The following UBXN4 variants were observed in gnomAD, a reference collection of about 807,000 sequenced individuals.
The protein encoded by UBXN4 is UBX domain protein 4, also known as UBX domain-containing protein 4.
In UBXN4, 35 loss-of-function variants were observed where a neutral mutation model predicts 66.2. That is an observed-to-expected ratio of 0.53 (90% CI 0.40 to 0.70). The LOEUF (loss-of-function observed/expected upper bound fraction) is 0.70. UBXN4 is among the 30% of genes least tolerant of loss of function. UBXN4 has a pLI of 0.00. For missense variants in UBXN4, 533 were observed against 599.8 expected, an observed-to-expected ratio of 0.89 and a Z score of 1.16; for synonymous variants, 203 against 204.5, an observed-to-expected ratio of 0.99 and a Z score of 0.06.
At chr2:135,753,268 C>T (rs1340295674) in intron 2 of UBXN4, among the ~76,000 whole-genome samples, 6 of 152,196 alleles carry the variant, frequency 3.9e-5, no homozygotes, top group Admixed American at 3.9e-4. Flanking sequence ...AAGTGATCTG[C>T]CTGCCTCGGC....
In UBXN4 at chr2:135,779,028, G is replaced by A. The variant is rs764534965; in HGVS notation, c.1134G>A (p.Lys378=). 84 of 1,613,630 alleles carry A rather than the reference G, an allele frequency of 5.2e-5. No individual in the cohort carries two copies. Among genetic ancestry groups the A allele is most frequent in the Non-Finnish European group, 6.9e-5 (82 of 1,179,888 alleles). ...RREFTKEDYK[K]KLLDLELAPS... is the part of the protein sequence containing the mutation. ...AATTTACCAAAGAAGATTATAAAAAGAAGTTACTGGATTTGGAACTTGCCC... is the reference window on the plus strand; with the variant it reads ...AATTTACCAAAGAAGATTATAAAAAAAAGTTACTGGATTTGGAACTTGCCC... The change falls in exon 11 of 13, where the codon AAG becomes AAA. Residue 378 remains lysine, a synonymous_variant. Coordinates refer to ENST00000272638, the MANE Select transcript of UBXN4 (RefSeq NM_014607.4).
intron 10 of UBXN4, among the ~76,000 whole-genome samples, chr2:135,777,237 C>T (rs1192581539): frequency 3.9e-5 from 6 of 152,068 alleles, no homozygotes; most frequent in East Asian, 1.9e-4. Flanking sequence ...TTATTCAAAA[C>T]GGATTCTGAG....
chr2:135,774,947 G>C (rs573891971), intron 9 of UBXN4, among the ~76,000 whole-genome samples: 43 of 152,170 alleles, frequency 2.8e-4, no homozygotes, highest in Non-Finnish European at 4.9e-4. Flanking sequence ...AAAAGAACCT[G>C]TGACTCAATT....
chr2:135,757,577 G>T (rs1299145879), intron 5 of UBXN4, among the ~76,000 whole-genome samples: 1 of 152,018 alleles, frequency 6.6e-6, no homozygotes, highest in Non-Finnish European at 1.5e-5. Context: ...TTTAGAATGG[G>T]TCACATTTTC....
At chr2:135,776,459 C>T in intron 10 of UBXN4, 108 bp downstream of exon 10, 1 of 906,278 alleles carries the variant, frequency 1.1e-6, no homozygotes, top group African/African-American at 1.7e-5. Flanking sequence ...GTGACCTCTC[C>T]AGGAGGGAGG....
intron 8 of UBXN4, among the ~76,000 whole-genome samples, chr2:135,770,968 T>C (rs146150080): frequency 6.6e-6 from 1 of 150,864 alleles, no homozygotes. Flanking sequence ...TTTATCAGCA[T>C]TCAAAAAGCA....
intron 1 of UBXN4, among the ~76,000 whole-genome samples, chr2:135,743,511 G>C (rs1382274657): frequency 6.6e-6 from 1 of 152,120 alleles, no homozygotes; most frequent in African/African-American, 2.4e-5. Context: ...AGGCACTTAG[G>C]TCAGCAGTCA....
chr2:135,782,996 AATG>A lies in UBXN4; in HGVS notation c.*110_*112del. The stretch of plus-strand genomic sequence containing the variant: ...TTTATATTTTCCAACTGGTCTATAA[AATG>A]TCTCTTTATTCCTGCTTAGTGGGTG... On this transcript the variant is annotated 3_prime_UTR_variant, in exon 13 of 13. Transcript: ENST00000272638. 6.5e-6 allele frequency: 8 copies of A among 1,236,936 alleles called. No individual in the cohort carries two copies. Among genetic ancestry groups the A allele is most frequent in the Non-Finnish European group, 9.0e-6 (8 of 891,772 alleles). 76.6% of individuals were successfully genotyped at this position (1,236,936 alleles called of 1,614,324 possible). A position where few individuals can be genotyped will look rare whatever the true frequency, so the allele number is the denominator to read the frequency against.
chr2:135,773,343 A>C (rs1250200734), intron 9 of UBXN4, among the ~76,000 whole-genome samples: 1 of 152,166 alleles, frequency 6.6e-6, no homozygotes. Flanking sequence ...AAACTCTCCA[A>C]ATGGTGTCAG....
At chr2:135,760,292 A>G (rs2077307075) in intron 5 of UBXN4, among the ~76,000 whole-genome samples, 2 of 152,038 alleles carry the variant, frequency 1.3e-5, no homozygotes, top group Admixed American at 6.6e-5. Context: ...TTAGCCAGGC[A>G]TGGTAGCGTG....
rs2077473036 is a variant in UBXN4 at position 135,784,836 on chromosome 2, C to A, written c.*1949C>A. 8.2e-6 allele frequency: 1 copy of A among 122,142 alleles called. No homozygotes were observed. The highest frequency in any genetic ancestry group is 3.2e-5 in the African/African-American group (1 of 31,680). 7.6% of individuals were successfully genotyped at this position (122,142 alleles called of 1,614,324 possible). On this transcript the variant is annotated 3_prime_UTR_variant, in exon 13 of 13. Transcript: ENST00000272638. ...CTTCGTAATTTTGGAGTAGGAGGTT[C>A]CCTCCTCAATTTTGTATTTTTAAAA...
intron 3 of UBXN4, 66 bp from the exon 4 acceptor site, chr2:135,754,093 C>A: frequency 9.2e-7 from 1 of 1,091,182 alleles, no homozygotes; most frequent in South Asian, 1.4e-5. Context: ...CCTTTGTTAC[C>A]AATAGTGTTT....
intron 5 of UBXN4, among the ~76,000 whole-genome samples, chr2:135,756,803 C>T (rs1348282818): frequency 6.6e-6 from 1 of 151,896 alleles, no homozygotes; most frequent in African/African-American, 2.4e-5. Flanking sequence ...TGTGAAATGA[C>T]TTTGTTTTAT....
In UBXN4 at chr2:135,770,725, A is replaced by T; in HGVS notation, c.812A>T (p.Gln271Leu). The T allele has an allele frequency of 6.6e-7, 1 of 1,522,542 alleles. No homozygotes were observed. Among genetic ancestry groups the T allele is most frequent in the Admixed American group, 2.5e-5 (1 of 40,088 alleles). The allele number at this position is 1,522,542 out of a possible 1,614,324, so 94.3% of individuals were successfully genotyped here. The change falls in exon 8 of 13, where the codon CAG becomes CTG. Residue 271 changes from glutamine (Q) to leucine (L), a missense_variant. This residue lies in a region of UBXN4 where 529 missense variants were observed against 580.1 expected (regional missense o/e 0.91). Coordinates refer to ENST00000272638, the MANE Select transcript of UBXN4 (RefSeq NM_014607.4). ...DRAARERIKQ[Q>L]IALDRAERAA... ...GCAGCTCGAGAACGTATAAAACAGCAGATTGCATTGGTAAGTCTTAAGTTT... is the reference window on the plus strand; with the variant it reads ...GCAGCTCGAGAACGTATAAAACAGCTGATTGCATTGGTAAGTCTTAAGTTT...
At chr2:135,750,221 A>G (rs575014527) in intron 2 of UBXN4, among the ~76,000 whole-genome samples, 1 of 152,272 alleles carries the variant, frequency 6.6e-6, no homozygotes, top group Non-Finnish European at 1.5e-5. Context: ...AGATCCTCCC[A>G]TGTCAGCCTC....
chr2:135,744,251 A>G (rs1371473255), intron 1 of UBXN4, among the ~76,000 whole-genome samples: 2 of 152,254 alleles, frequency 1.3e-5, no homozygotes, highest in African/African-American at 4.8e-5. Flanking sequence ...CGTGATCTCA[A>G]GAGTACACTT....
rs144915789 is a variant in UBXN4, at chr2:135,753,930, T to C, written c.215-229T>C. 5.7e-4 allele frequency: 269 copies of C among 472,838 alleles called. 3 individuals carry two copies. The highest frequency in any genetic ancestry group is 5.0e-3 in the African/African-American group (248 of 49,504). The allele number at this position is 472,838 out of a possible 1,614,324, so 29.3% of individuals were successfully genotyped here. On this transcript the variant is annotated intron_variant, in intron 3 of 12. Coordinates refer to ENST00000272638, the MANE Select transcript of UBXN4 (RefSeq NM_014607.4). ...GCAAGATGGATAGAAAAGGAAGTTA[T>C]GATAGAGGAGAATGTAGTAGATTCT...
At chr2:135,756,457 C>T (rs2077278913) in intron 5 of UBXN4, among the ~76,000 whole-genome samples, 1 of 152,114 alleles carries the variant, frequency 6.6e-6, no homozygotes, top group East Asian at 1.9e-4. Context: ...ATTTGATGCC[C>T]CATAACTTCC....
At position 135,780,256 on chromosome 2, in the gene UBXN4, A is replaced by T. The variant is rs2077441359; in HGVS notation, c.1259A>T (p.Tyr420Phe). 3 of 1,614,026 alleles carry T rather than the reference A, an allele frequency of 1.9e-6. No individual in the cohort carries two copies. The change falls in exon 12 of 13, where the codon TAT becomes TTT. Residue 420 changes from tyrosine (Y) to phenylalanine (F), a missense_variant. Physicochemically the swap from Tyr to Phe is conservative, Grantham distance 22. Transcript: ENST00000272638. ...TGGACCTTGTTGGGAACAGTGCTTTATCCATTCCTTGCCATCTGGAGATTA... is the reference window on the plus strand; with the variant it reads ...TGGACCTTGTTGGGAACAGTGCTTTTTCCATTCCTTGCCATCTGGAGATTA... ...DIWTLLGTVLYPFLAIWRLIS... is the reference protein window; with the variant it reads ...DIWTLLGTVLFPFLAIWRLIS...
Sources: gnomAD v4.1 joint callset for allele counts (sites outside exome capture counted in the v4.1 genomes callset) on GRCh38, gnomAD v4.1.1 for gene constraint, gnomAD v4.1.1 regional missense constraint, MANE v1.5 for transcripts, NCBI Gene and HGNC (gene_info 2026-07-23, HGNC 2026-07-21) for gene names.